The following ERC2 variants were observed in gnomAD, a reference collection of about 807,000 sequenced individuals.
The protein encoded by ERC2 is ERC protein 2.
In ERC2, 42 loss-of-function variants were observed where a neutral mutation model predicts 114.8. The ratio of observed to expected loss-of-function variants is 0.37; its 90% CI spans 0.29 to 0.47. The LOEUF (loss-of-function observed/expected upper bound fraction) is 0.47, where lower values mean the gene tolerates loss of function less well. Ranked by LOEUF, ERC2 falls within the 20% of genes least tolerant of loss-of-function variation. The pLI is 0.99. For synonymous variants in ERC2, 454 were observed against 425.5 expected (o/e 1.07, Z -0.82); for missense variants, 939 against 1,150.7 (o/e 0.82, Z 2.66).
Position 55,590,754 on chromosome 3 carries a change from TGG to T in ERC2, c.*40-79480_*40-79479del, listed in dbSNP as rs1473477703. Among the ~76,000 whole-genome samples, 4 of 152,350 alleles carry T rather than the reference TGG, an allele frequency of 2.6e-5. No homozygotes were observed. In the East Asian group the frequency reaches 7.7e-4, roughly 29 times the overall value. On this transcript the variant is annotated intron_variant, in intron 17 of 17. Coordinates refer to ENST00000288221, the MANE Select transcript of ERC2 (RefSeq NM_015576.3). ...AAGACATATACCAAATTGTCCACAATGGTAGCATCTGGTGTTGTAATCAAACT... is the reference window on the plus strand; with the variant it reads ...AAGACATATACCAAATTGTCCACAATTAGCATCTGGTGTTGTAATCAAACT...
intron 13 of ERC2, among the ~76,000 whole-genome samples, chr3:55,930,483 G>C (rs2066011577): frequency 6.6e-6 from 1 of 152,068 alleles, no homozygotes; most frequent in Non-Finnish European, 1.5e-5. Flanking sequence ...TGACAAACCT[G>C]ATAAAAACAA....
chr3:56,327,774 C>G (rs2057431974), intron 2 of ERC2, among the ~76,000 whole-genome samples: 1 of 152,214 alleles, frequency 6.6e-6, no homozygotes, highest in Non-Finnish European at 1.5e-5. Context: ...CAGAGAAACC[C>G]TAACCAGCAG....
At chr3:56,261,700 T>A (rs1040678617) in intron 3 of ERC2, among the ~76,000 whole-genome samples, 1 of 152,234 alleles carries the variant, frequency 6.6e-6, no homozygotes, top group African/African-American at 2.4e-5. Flanking sequence ...TTCTTTACTT[T>A]TTTTTTAACT....
intron 16 of ERC2, among the ~76,000 whole-genome samples, chr3:55,691,438 A>G (rs2062633686): frequency 6.6e-6 from 1 of 151,082 alleles, no homozygotes; most frequent in South Asian, 2.1e-4. Flanking sequence ...ATCAGCACCA[A>G]TAAGAGGTTT....
At chr3:56,415,597 T>G (rs1325529283) in intron 2 of ERC2, among the ~76,000 whole-genome samples, 1 of 152,224 alleles carries the variant, frequency 6.6e-6, no homozygotes, top group Non-Finnish European at 1.5e-5. Flanking sequence ...AAGAACAACC[T>G]CTTTTCCCCT....
At chr3:56,241,701 G>A (rs528315885) in intron 3 of ERC2, among the ~76,000 whole-genome samples, 1 of 152,044 alleles carries the variant, frequency 6.6e-6, no homozygotes, top group East Asian at 1.9e-4. Flanking sequence ...TTACTACTTT[G>A]GACCACCTTT....
At chr3:55,750,615 G>A (rs2066636194) in intron 14 of ERC2, among the ~76,000 whole-genome samples, 2 of 152,216 alleles carry the variant, frequency 1.3e-5, no homozygotes, top group Admixed American at 6.5e-5. Context: ...AAGGAAAAGA[G>A]TGGCTTCCAG....
intron 2 of ERC2, among the ~76,000 whole-genome samples, chr3:56,309,555 G>A (rs1047917416): frequency 9.9e-5 from 15 of 152,174 alleles, no homozygotes; most frequent in African/African-American, 2.2e-4. Context: ...CTCAGCTTCC[G>A]AGAACAGTGG....
chr3:55,952,163 ACACACACACACACACACTCTCTCTCT>A (rs1279161590), intron 12 of ERC2, among the ~76,000 whole-genome samples: 4 of 73,536 alleles, frequency 5.4e-5, no homozygotes, highest in African/African-American at 9.2e-5. Context: ...ACACACACAC[ACACACACACACACACACTCTCTCTCT>A]CTCTCTCTCT....
intron 17 of ERC2, among the ~76,000 whole-genome samples, chr3:55,660,604 G>A (rs2061086138): frequency 6.6e-6 from 1 of 152,154 alleles, no homozygotes; most frequent in African/African-American, 2.4e-5. Context: ...GTGATGAAAG[G>A]CATTCTTAGT....
At chr3:56,251,550 G>A (rs750078853) in intron 3 of ERC2, among the ~76,000 whole-genome samples, 2 of 152,176 alleles carry the variant, frequency 1.3e-5, no homozygotes, top group Non-Finnish European at 2.9e-5. Flanking sequence ...CATCTAGTGG[G>A]CAAATGAGGT....
At chr3:56,329,113 T>C (rs529235650) in intron 2 of ERC2, among the ~76,000 whole-genome samples, 29 of 152,338 alleles carry the variant, frequency 1.9e-4, no homozygotes, top group African/African-American at 6.5e-4. Context: ...AGGATACTTA[T>C]AGATGCTGAA....
chr3:55,513,940 G>A (rs1318271494), intron 17 of ERC2, among the ~76,000 whole-genome samples: 6 of 152,090 alleles, frequency 3.9e-5, no homozygotes, highest in Admixed American at 2.0e-4. Context: ...CAGCCTACCA[G>A]TTTAGAGAGT....
chr3:56,171,972 C>CA (rs1350499338), intron 4 of ERC2, among the ~76,000 whole-genome samples: 1,011 of 59,236 alleles, frequency 0.017, 9 homozygotes, highest in Middle Eastern at 0.053. Flanking sequence ...TCACCCTTTG[C>CA]AAAAACAAAA....
rs1016409912 is a variant in ERC2 at position 55,901,711 on chromosome 3, C to T, written c.2404-13162G>A. 3.9e-5 allele frequency among the ~76,000 whole-genome samples: 6 copies of T among 152,324 alleles called. No homozygotes were observed. In the East Asian group the frequency reaches 9.6e-4, roughly 24 times the overall value. On this transcript the variant is annotated intron_variant, in intron 13 of 17. Transcript: ENST00000288221. ...CTGTGCCAAATAACATGCTTAATCA[C>T]GTGAGTGACATCCCATCACTTCCAC...
chr3:56,252,438 A>G (rs968539999), intron 3 of ERC2, among the ~76,000 whole-genome samples: 11 of 152,166 alleles, frequency 7.2e-5, no homozygotes, highest in South Asian at 4.1e-4. Flanking sequence ...CCAAAGTATT[A>G]CGCATAAAAT....
At chr3:56,212,746 A>ATGTGTGTG (rs200404953) in intron 3 of ERC2, among the ~76,000 whole-genome samples, 3 of 151,962 alleles carry the variant, frequency 2.0e-5, no homozygotes, top group East Asian at 1.9e-4. Context: ...TATGATATAT[A>ATGTGTGTG]TATGTGTGTG....
chr3:56,120,910 A>C (rs1477902022), intron 6 of ERC2, among the ~76,000 whole-genome samples: 1 of 152,212 alleles, frequency 6.6e-6, no homozygotes, highest in Admixed American at 6.5e-5. Context: ...AAATTTAATA[A>C]TCAGAATATG....
At chr3:55,650,348 T>A (rs930504090) in intron 17 of ERC2, among the ~76,000 whole-genome samples, 1 of 152,116 alleles carries the variant, frequency 6.6e-6, no homozygotes, top group East Asian at 1.9e-4. Context: ...ACCTCTCCAA[T>A]TTCATCTACC....
Sources: gnomAD v4.1 joint callset for allele counts (sites outside exome capture counted in the v4.1 genomes callset) on GRCh38, gnomAD v4.1.1 for gene constraint, MANE v1.5 for transcripts, NCBI Gene and HGNC (gene_info 2026-07-23, HGNC 2026-07-21) for gene names.